The following NCKAP5 variants were observed in gnomAD, a reference collection of about 807,000 sequenced individuals.
NCKAP5 encodes the protein NCK associated protein 5.
NCKAP5 carries 92 observed loss-of-function variants against 167.0 expected under a neutral mutation model. The ratio of observed to expected loss-of-function variants is 0.55; its 90% CI spans 0.47 to 0.66. The LOEUF is 0.66. Among genes scored for constraint, NCKAP5 ranks in the 30% least tolerant of loss-of-function variants. The pLI is 0.00. For synonymous variants in NCKAP5, 891 were observed against 877.4 expected (o/e 1.02, Z -0.27); for missense variants, 2,378 against 2,315.0 (o/e 1.03, Z -0.56).
chr2:132,700,926 TG>T lies in NCKAP5; in HGVS notation c.5713+24700del, dbSNP rs1183651068. Among the ~76,000 whole-genome samples, 145 of 23,712 alleles carry T rather than the reference TG, an allele frequency of 6.1e-3. 1 individual carries two copies. The highest frequency in any genetic ancestry group is 0.024 in the Admixed American group (43 of 1,828). The allele number at this position is 23,712 out of a possible 152,430, so 15.6% of individuals were successfully genotyped here. Reference sequence around the variant, plus strand: ...TTCCTGCATGCTGGTTACAATCCCCTGGGCGGGGGGGGGGGCTTTTAAGCAA... The same window carrying T: ...TTCCTGCATGCTGGTTACAATCCCCTGGCGGGGGGGGGGGCTTTTAAGCAA... On this transcript the variant is annotated intron_variant, in intron 19 of 19. Transcript: ENST00000409261.
intron 4 of NCKAP5, among the ~76,000 whole-genome samples, chr2:133,265,447 G>A (rs944648124): frequency 1.6e-4 from 25 of 152,148 alleles, no homozygotes; most frequent in African/African-American, 5.5e-4. Context: ...CCACCCGGGA[G>A]GTCCCTAGGA....
At chr2:132,952,974 C>T (rs1267231520) in intron 8 of NCKAP5, among the ~76,000 whole-genome samples, 1 of 152,298 alleles carries the variant, frequency 6.6e-6, no homozygotes, top group South Asian at 2.1e-4. Flanking sequence ...GTTAAGAACA[C>T]CTCTAAACTG....
chr2:133,667,304 C>T, the NCKAP5 span, among the ~76,000 whole-genome samples: 1 of 151,942 alleles, frequency 6.6e-6, no homozygotes, highest in Non-Finnish European at 1.5e-5. Flanking sequence ...GTCATGGAAA[C>T]TCTAAACATC....
chr2:133,502,794 C>T (rs947882521), intron 3 of NCKAP5, among the ~76,000 whole-genome samples: 1 of 152,172 alleles, frequency 6.6e-6, no homozygotes, highest in Non-Finnish European at 1.5e-5. Flanking sequence ...AAGCACAGTA[C>T]TTCGGAAATG....
intron 19 of NCKAP5, among the ~76,000 whole-genome samples, chr2:132,713,182 A>C (rs1017294188): frequency 6.6e-6 from 1 of 152,198 alleles, no homozygotes; most frequent in Non-Finnish European, 1.5e-5. Context: ...ATGGTTACCT[A>C]TATGGGGCTA....
intron 6 of NCKAP5, among the ~76,000 whole-genome samples, chr2:133,074,369 A>AT (rs36065268): frequency 0.51 from 77,521 of 151,388 alleles, 20,211 homozygotes; most frequent in East Asian, 0.59. Flanking sequence ...AATTTAATTA[A>AT]TTTTTTTTGA....
intron 13 of NCKAP5, among the ~76,000 whole-genome samples, chr2:132,788,742 A>C (rs1365035020): frequency 6.6e-6 from 1 of 152,176 alleles, no homozygotes; most frequent in Non-Finnish European, 1.5e-5. Context: ...CATACTTGTG[A>C]GCTCAAAAAG....
chr2:133,447,416 C>T (rs1030796031), intron 3 of NCKAP5, among the ~76,000 whole-genome samples: 1 of 151,796 alleles, frequency 6.6e-6, no homozygotes, highest in African/African-American at 2.4e-5. Flanking sequence ...TTCCTTCCTT[C>T]CTTCCCTTTC....
intron 3 of NCKAP5, among the ~76,000 whole-genome samples, chr2:133,308,170 G>A (rs1680931280): frequency 2.2e-5 from 3 of 138,768 alleles, no homozygotes; most frequent in Admixed American, 1.6e-4. Flanking sequence ...CTCACTGCAA[G>A]CTCCGCCTCC....
At chr2:133,484,760 G>A (rs971078618) in intron 3 of NCKAP5, among the ~76,000 whole-genome samples, 4 of 151,996 alleles carry the variant, frequency 2.6e-5, no homozygotes, top group Non-Finnish European at 5.9e-5. Context: ...ATGAAGTTGG[G>A]TCCCATCCCA....
At chr2:133,653,483 C>T in the NCKAP5 span, among the ~76,000 whole-genome samples, 14 of 152,280 alleles carry the variant, frequency 9.2e-5, no homozygotes, top group South Asian at 1.2e-3. Flanking sequence ...CCCATCACCC[C>T]TTTTATAAAA....
At chr2:132,851,659 C>G (rs924023865) in intron 11 of NCKAP5, among the ~76,000 whole-genome samples, 57 of 152,294 alleles carry the variant, frequency 3.7e-4, no homozygotes, top group Non-Finnish European at 5.7e-4. Flanking sequence ...GGTATCTACC[C>G]TCCCCTCCCT....
At chr2:132,910,088 CATA>C (rs1694326827) in intron 8 of NCKAP5, among the ~76,000 whole-genome samples, 1 of 151,800 alleles carries the variant, frequency 6.6e-6, no homozygotes. Context: ...TACCAGCAAC[CATA>C]ATATTTTAAA....
At chr2:133,611,893 T>C in the NCKAP5 span, among the ~76,000 whole-genome samples, 1 of 152,220 alleles carries the variant, frequency 6.6e-6, no homozygotes, top group African/African-American at 2.4e-5. Context: ...TACAGAAGTG[T>C]CTAGCAGTAC....
At chr2:132,705,929 T>C (rs1688314438) in intron 19 of NCKAP5, among the ~76,000 whole-genome samples, 1 of 152,174 alleles carries the variant, frequency 6.6e-6, no homozygotes, top group Admixed American at 6.5e-5. Context: ...GTCCAGTTTA[T>C]ACTGCTTTTC....
intron 8 of NCKAP5, among the ~76,000 whole-genome samples, chr2:132,923,508 A>C (rs886285936): frequency 6.6e-6 from 1 of 152,228 alleles, no homozygotes; most frequent in Admixed American, 6.5e-5. Flanking sequence ...ATTTCTCACT[A>C]AAGTGAACAA....
At chr2:132,898,786 T>G (rs1469445219) in intron 8 of NCKAP5, among the ~76,000 whole-genome samples, 2 of 152,226 alleles carry the variant, frequency 1.3e-5, no homozygotes, top group African/African-American at 4.8e-5. Context: ...GACTTATTAG[T>G]AAAATATTCT....
chr2:133,343,830 G>A (rs1016216825), intron 3 of NCKAP5, among the ~76,000 whole-genome samples: 2 of 152,138 alleles, frequency 1.3e-5, no homozygotes, highest in African/African-American at 4.8e-5. Flanking sequence ...CTTGGGAGTC[G>A]GAAGGATGTG....
At chr2:132,981,628 T>C (rs2077145161) in intron 7 of NCKAP5, among the ~76,000 whole-genome samples, 1 of 152,216 alleles carries the variant, frequency 6.6e-6, no homozygotes, top group South Asian at 2.1e-4. Flanking sequence ...CACCCAGACT[T>C]ATTCAATCAC....
Sources: allele counts gnomAD v4.1 joint callset (sites outside exome capture counted in the v4.1 genomes callset), GRCh38; gene constraint gnomAD v4.1.1; transcripts MANE v1.5; gene names NCBI Gene and HGNC (gene_info 2026-07-23, HGNC 2026-07-21).